CFAP54: variants seen among roughly 807,000 people sequenced by gnomAD.
The protein encoded by CFAP54 is cilia- and flagella-associated protein 54.
In CFAP54, 290 loss-of-function variants were observed where a neutral mutation model predicts 370.4. The ratio of observed to expected loss-of-function variants is 0.78; its 90% CI spans 0.71 to 0.86. The LOEUF is 0.86. CFAP54 is among the 40% of genes least tolerant of loss of function. The pLI is 0.00. For synonymous variants in CFAP54, 1,206 were observed against 1,236.5 expected (o/e 0.98, Z 0.52); for missense variants, 3,399 against 3,528.7 (o/e 0.96, Z 0.93).
intron 66 of CFAP54, among the ~76,000 whole-genome samples, chr12:96,845,992 T>C (rs946044022): frequency 6.6e-6 from 1 of 152,188 alleles, no homozygotes; most frequent in Non-Finnish European, 1.5e-5. Context: ...TTGACCTCCA[T>C]CATAACAGTT....
At chr12:96,656,675 C>T (rs1956926912) in intron 36 of CFAP54, among the ~76,000 whole-genome samples, 1 of 152,236 alleles carries the variant, frequency 6.6e-6, no homozygotes, top group Non-Finnish European at 1.5e-5. Context: ...GCCACCATGC[C>T]TGGCCCTCAG....
chr12:96,535,406 G>A (rs968084794), intron 11 of CFAP54, 109 bp from the exon 12 acceptor site: 19 of 669,086 alleles, frequency 2.8e-5, no homozygotes, highest in Admixed American at 5.0e-5. Context: ...ATATTTGCCC[G>A]CCTATCATTT....
chr12:96,594,360 A>G lies in CFAP54; in HGVS notation c.3430A>G (p.Ser1144Gly). Residue 1144 changes from serine to glycine, a missense_variant, in exon 25 of 68, where the codon AGC (serine) becomes GGC (glycine). Physicochemically the swap from Ser to Gly is moderately conservative, Grantham distance 56 (BLOSUM62 0). This residue lies in a region of CFAP54 where 2,796 missense variants were observed against 2,869.7 expected (regional missense o/e 0.97). Coordinates refer to ENST00000524981, the MANE Select transcript of CFAP54 (RefSeq NM_001306084.2). Reference sequence around the variant, plus strand: ...ACTTAGCAACTTCCTAAATGATTCCAGCTATGCCCTTCAAGCTGTGACTCA... The same window carrying G: ...ACTTAGCAACTTCCTAAATGATTCCGGCTATGCCCTTCAAGCTGTGACTCA... ...LELSNFLNDSSYALQAVTQCY... is the reference protein window; with the variant it reads ...LELSNFLNDSGYALQAVTQCY... 6.5e-7 allele frequency: 1 copy of G among 1,534,588 alleles called. No homozygotes were observed. Among genetic ancestry groups the G allele is most frequent in the Non-Finnish European group, 8.7e-7 (1 of 1,145,626 alleles).
chr12:96,593,679 T>C (rs1423128351), intron 24 of CFAP54, among the ~76,000 whole-genome samples: 29 of 150,698 alleles, frequency 1.9e-4, no homozygotes, highest in African/African-American at 6.3e-4. Flanking sequence ...TCTTTATACA[T>C]AATCTTGAAT....
chr12:96,613,367 G>A (rs771439808), intron 26 of CFAP54, among the ~76,000 whole-genome samples: 4 of 152,160 alleles, frequency 2.6e-5, no homozygotes, highest in Admixed American at 1.3e-4. Flanking sequence ...CACATTTAAG[G>A]CAGTGTGTAG....
At chr12:96,816,371 T>TATTG (rs1053420585) in intron 64 of CFAP54, among the ~76,000 whole-genome samples, 1 of 152,170 alleles carries the variant, frequency 6.6e-6, no homozygotes, top group Non-Finnish European at 1.5e-5. Context: ...GTTTGTCTAT[T>TATTG]ATTGGTGTAT....
chr12:96,664,777 C>CTATATATA (rs1255477327), intron 39 of CFAP54, among the ~76,000 whole-genome samples: 1 of 14,992 alleles, frequency 6.7e-5, no homozygotes, highest in African/African-American at 2.6e-4. Flanking sequence ...ATATCTATAT[C>CTATATATA]TATATATATA....
chr12:96,637,709 G>T (rs954434203), intron 32 of CFAP54, among the ~76,000 whole-genome samples: 1 of 152,136 alleles, frequency 6.6e-6, no homozygotes, highest in African/African-American at 2.4e-5. Context: ...TAACCAAAAA[G>T]ATTCTATACA....
At chr12:96,564,425 T>G in intron 17 of CFAP54, 43 bp from the exon 18 acceptor site, 1 of 669,488 alleles carries the variant, frequency 1.5e-6, no homozygotes, top group Non-Finnish European at 2.7e-6. Flanking sequence ...TTTCCTCTCT[T>G]GGATACATAC....
At chr12:96,697,856 A>G (rs1214195652) in intron 45 of CFAP54, among the ~76,000 whole-genome samples, 2 of 152,172 alleles carry the variant, frequency 1.3e-5, no homozygotes, top group Non-Finnish European at 2.9e-5. Context: ...AATAACATGC[A>G]AAATCCCTAC....
chr12:96,549,020 A>G (rs1955668159), intron 15 of CFAP54, among the ~76,000 whole-genome samples: 1 of 151,992 alleles, frequency 6.6e-6, no homozygotes. Flanking sequence ...ACACCCAGCT[A>G]ATTTTTTGTA....
chr12:96,752,133 A>AGAGAGAGAGAGAGAGAGAGAGAG (rs1671757016), intron 55 of CFAP54, among the ~76,000 whole-genome samples: 1 of 129,412 alleles, frequency 7.7e-6, no homozygotes, highest in African/African-American at 3.0e-5. Context: ...AGAGAGAGAG[A>AGAGAGAGAGAGAGAGAGAGAGAG]TTGAGGCTGT....
At chr12:96,539,022 T>C (rs1592839837) in intron 13 of CFAP54, among the ~76,000 whole-genome samples, 1 of 151,268 alleles carries the variant, frequency 6.6e-6, no homozygotes, top group African/African-American at 2.4e-5. Flanking sequence ...CCAAAGTGTT[T>C]GGATTATTAT....
intron 29 of CFAP54, among the ~76,000 whole-genome samples, chr12:96,626,200 A>C (rs572631194): frequency 1.3e-5 from 2 of 152,132 alleles, no homozygotes; most frequent in Non-Finnish European, 2.9e-5. Context: ...CCTGGGCAAC[A>C]TGGTGAAGCC....
intron 60 of CFAP54, among the ~76,000 whole-genome samples, chr12:96,766,252 ATT>A (rs921161980): frequency 6.6e-6 from 1 of 151,520 alleles, no homozygotes. Context: ...TATTTTATAG[ATT>A]TTTTTTTACG....
intron 36 of CFAP54, among the ~76,000 whole-genome samples, chr12:96,653,396 A>G (rs1237924343): frequency 2.6e-5 from 4 of 152,248 alleles, no homozygotes; most frequent in South Asian, 2.1e-4. Context: ...GTCTTCAAAA[A>G]TGTAAGACTG....
At chr12:96,807,681 G>C (rs1008282341) in intron 63 of CFAP54, among the ~76,000 whole-genome samples, 5 of 152,144 alleles carry the variant, frequency 3.3e-5, no homozygotes, top group African/African-American at 1.2e-4. Flanking sequence ...CTGAAAACAA[G>C]CTGGGAATAG....
intron 26 of CFAP54, among the ~76,000 whole-genome samples, chr12:96,607,765 C>T (rs1592878796): frequency 6.7e-6 from 1 of 148,968 alleles, no homozygotes; most frequent in South Asian, 2.1e-4. Flanking sequence ...CATTTATTTG[C>T]AATGGAAAGA....
At chr12:96,529,513 CACTT>C (rs1278993349) in intron 9 of CFAP54, among the ~76,000 whole-genome samples, 3 of 152,144 alleles carry the variant, frequency 2.0e-5, no homozygotes, top group South Asian at 4.1e-4. Flanking sequence ...TTTTCTCTGA[CACTT>C]AGTATTATCT....
Sources: allele counts gnomAD v4.1 joint callset (sites outside exome capture counted in the v4.1 genomes callset), GRCh38; gene constraint gnomAD v4.1.1; regional missense constraint gnomAD v4.1.1; transcripts MANE v1.5; gene names NCBI Gene and HGNC (gene_info 2026-07-23, HGNC 2026-07-21).